The following ZFAND3 variants were observed in gnomAD, a reference collection of about 807,000 sequenced individuals.
ZFAND3 encodes zinc finger AN1-type containing 3.
In ZFAND3, 10 loss-of-function variants were observed where a neutral mutation model predicts 29.6. The ratio of observed to expected loss-of-function variants is 0.34; its 90% CI spans 0.21 to 0.57. ZFAND3 has a LOEUF of 0.57. Among genes scored for constraint, ZFAND3 ranks in the 20% least tolerant of loss-of-function variants. The pLI is 0.86. For synonymous variants in ZFAND3, 128 were observed against 112.6 expected, an observed-to-expected ratio of 1.14 and a Z score of -0.87; for missense variants, 230 against 304.5, an observed-to-expected ratio of 0.76 and a Z score of 1.82.
chr6:37,996,753 A>G (rs1334543440), intron 2 of ZFAND3, among the ~76,000 whole-genome samples: 1 of 152,110 alleles, frequency 6.6e-6, no homozygotes, highest in Non-Finnish European at 1.5e-5. Context: ...ATATATGCAT[A>G]TTTTTGCAGT....
chr6:38,024,902 T>A (rs959667428), intron 2 of ZFAND3, among the ~76,000 whole-genome samples: 1 of 152,238 alleles, frequency 6.6e-6, no homozygotes, highest in East Asian at 1.9e-4. Context: ...CAAACAAAGT[T>A]GTAAATGCAC....
chr6:37,933,467 ACTT>A (rs1761635865), intron 2 of ZFAND3, among the ~76,000 whole-genome samples: 1 of 152,232 alleles, frequency 6.6e-6, no homozygotes, highest in Non-Finnish European at 1.5e-5. Flanking sequence ...AGCCATCATT[ACTT>A]AAGCTGTTTC....
At chr6:37,999,378 A>G (rs1328229991) in intron 2 of ZFAND3, among the ~76,000 whole-genome samples, 1 of 152,220 alleles carries the variant, frequency 6.6e-6, no homozygotes, top group African/African-American at 2.4e-5. Flanking sequence ...ATTAAGGAGC[A>G]AGGGGAGCCT....
In ZFAND3 at chr6:38,116,754, C is replaced by T. The variant is rs1228996597; in HGVS notation, c.529+15C>T. ...GTGTCGCTGCGGTAAGCATCTCCCC[C>T]AGTGGCGTGATGGAGACTATATCCT... On this transcript the variant is annotated intron_variant, in intron 5 of 5. Coordinates refer to ENST00000287218, the MANE Select transcript of ZFAND3 (RefSeq NM_021943.3). 1 of 1,612,070 alleles carries T rather than the reference C, an allele frequency of 6.2e-7. No homozygotes were observed. The highest frequency in any genetic ancestry group is 1.3e-5 in the African/African-American group (1 of 75,010).
Position 37,820,029 on chromosome 6 carries a change from C to T in ZFAND3, c.71+13C>T, listed in dbSNP as rs1359808206. The T allele has an allele frequency of 2.9e-5, 29 of 1,003,028 alleles. No homozygotes were observed. The Admixed American group carries it at 1.3e-3, about 44-fold the overall frequency. The allele number at this position is 1,003,028 out of a possible 1,614,324, so 62.1% of individuals were successfully genotyped here. On this transcript the variant is annotated intron_variant, in intron 1 of 5. Coordinates refer to ENST00000287218, the MANE Select transcript of ZFAND3 (RefSeq NM_021943.3). ...GCGGCTTCTGGGGGTAAGTGCCCGG[C>T]CGGGTGGGGGCGGGGGGCGGGGGCC...
chr6:37,822,610 G>A (rs891427256), intron 1 of ZFAND3, among the ~76,000 whole-genome samples: 1 of 152,174 alleles, frequency 6.6e-6, no homozygotes, highest in African/African-American at 2.4e-5. Context: ...GCACAGGGAA[G>A]TAAACTGACA....
rs539541033 is a variant in ZFAND3 at position 38,093,234 on chromosome 6, T to G, written c.361+10777T>G. The stretch of plus-strand genomic sequence containing the variant: ...GGCCAGTGGAATAGAGAAAGAGAGA[T>G]AAATCTGATTAAGATATGTTTGAAA... On this transcript the variant is annotated intron_variant, in intron 4 of 5. Coordinates refer to ENST00000287218, the MANE Select transcript of ZFAND3 (RefSeq NM_021943.3). Among the ~76,000 whole-genome samples, 32 of 152,336 alleles carry G rather than the reference T, an allele frequency of 2.1e-4. No individual in the cohort carries two copies. In the South Asian group the frequency reaches 5.0e-3, roughly 24 times the overall value.
At position 37,902,695 on chromosome 6, in the gene ZFAND3, T is replaced by C. The variant is rs181004567; in HGVS notation, c.72-27264T>C. Reference sequence around the variant, plus strand: ...GTAATTTTAATTGAATGTAGACTTTTTCTTTTCAGATAGAGATGCAGCAGC... The same window carrying C: ...GTAATTTTAATTGAATGTAGACTTTCTCTTTTCAGATAGAGATGCAGCAGC... On this transcript the variant is annotated intron_variant, in intron 1 of 5. Coordinates refer to ENST00000287218, the MANE Select transcript of ZFAND3 (RefSeq NM_021943.3). 1.1e-3 allele frequency among the ~76,000 whole-genome samples: 171 copies of C among 152,176 alleles called. 1 individual carries two copies. The Middle Eastern group carries it at 0.014, about 12-fold the overall frequency.
At chr6:37,860,019 C>T (rs984774887) in intron 1 of ZFAND3, among the ~76,000 whole-genome samples, 2 of 150,132 alleles carry the variant, frequency 1.3e-5, no homozygotes, top group Non-Finnish European at 3.0e-5. Context: ...TTACAGGAGC[C>T]TGCCACTACG....
rs1291627723 is a variant in ZFAND3, at chr6:38,153,266, G to GT, written c.*883dup. The GT allele has an allele frequency of 5.1e-6, 5 of 985,382 alleles. No homozygotes were observed. Among genetic ancestry groups the GT allele is most frequent in the Non-Finnish European group, 6.0e-6 (5 of 829,976 alleles). The allele number at this position is 985,382 out of a possible 1,614,324, so 61.0% of individuals were successfully genotyped here. ...CTGCAGCCAGATTTCTATATTGGGA[G>GT]TTTTTTAAAAAGACATTTCATAGCC... On this transcript the variant is annotated 3_prime_UTR_variant, in exon 6 of 6. Transcript: ENST00000287218.
At chr6:37,871,796 A>G (rs1393637088) in intron 1 of ZFAND3, among the ~76,000 whole-genome samples, 1 of 152,216 alleles carries the variant, frequency 6.6e-6, no homozygotes, top group Non-Finnish European at 1.5e-5. Flanking sequence ...CATCCTAGAC[A>G]TTGTGGACAA....
rs369788644 is a variant in ZFAND3, at chr6:37,977,546, G to A, written c.112+47547G>A. Reference sequence around the variant, plus strand: ...TTGAACTCCTGACCTCAAGTGATCCGCATGCCTCAGCCTCCCAAAGTGCTG... The same window carrying A: ...TTGAACTCCTGACCTCAAGTGATCCACATGCCTCAGCCTCCCAAAGTGCTG... On this transcript the variant is annotated intron_variant, in intron 2 of 5. Transcript: ENST00000287218. Among the ~76,000 whole-genome samples the A allele has an allele frequency of 3.3e-5, 5 of 152,030 alleles. No homozygotes were observed. In the East Asian group the frequency reaches 5.8e-4, roughly 18 times the overall value.
intron 2 of ZFAND3, among the ~76,000 whole-genome samples, chr6:37,943,265 G>C (rs1316231115): frequency 2.6e-5 from 4 of 152,144 alleles, no homozygotes; most frequent in Non-Finnish European, 5.9e-5. Flanking sequence ...CTGTACTTCA[G>C]ATTTGAAGAT....
At chr6:37,918,405 A>G (rs948869574) in intron 1 of ZFAND3, among the ~76,000 whole-genome samples, 38 of 152,078 alleles carry the variant, frequency 2.5e-4, no homozygotes, top group African/African-American at 8.2e-4. Flanking sequence ...GATATCCTCC[A>G]GCTTCTAGAA....
chr6:37,870,289 T>G, intron 1 of ZFAND3, among the ~76,000 whole-genome samples: 2 of 36,722 alleles, frequency 5.4e-5, no homozygotes, highest in African/African-American at 9.4e-5. Context: ...AGCGAGACTG[T>G]CTCAAAAAAA....
intron 5 of ZFAND3, among the ~76,000 whole-genome samples, chr6:38,121,709 C>A (rs140087243): frequency 6.6e-6 from 1 of 152,270 alleles, no homozygotes; most frequent in African/African-American, 2.4e-5. Context: ...CATAAATAAT[C>A]ACGCATCCTT....
chr6:38,147,630 C>T (rs1051336996), intron 5 of ZFAND3, among the ~76,000 whole-genome samples: 6 of 152,178 alleles, frequency 3.9e-5, no homozygotes, highest in Admixed American at 3.3e-4. Context: ...TCTGCATCCT[C>T]GCCAGGATCT....
intron 2 of ZFAND3, among the ~76,000 whole-genome samples, chr6:37,951,397 C>G (rs913172649): frequency 6.6e-6 from 1 of 152,022 alleles, no homozygotes; most frequent in Non-Finnish European, 1.5e-5. Flanking sequence ...TTGAGGCCAT[C>G]CTGGCTAACA....
At chr6:38,098,750 C>T (rs1327128998) in intron 4 of ZFAND3, among the ~76,000 whole-genome samples, 2 of 152,086 alleles carry the variant, frequency 1.3e-5, no homozygotes, top group African/African-American at 2.4e-5. Context: ...GATCCGCCTG[C>T]CTTGGCCTCC....
Sources: gnomAD v4.1 joint callset for allele counts (sites outside exome capture counted in the v4.1 genomes callset) on GRCh38, gnomAD v4.1.1 for gene constraint, MANE v1.5 for transcripts, NCBI Gene and HGNC (gene_info 2026-07-23, HGNC 2026-07-21) for gene names.